TAFA1: variants seen among roughly 807,000 people sequenced by gnomAD.
The protein encoded by TAFA1 is TAFA chemokine like family member 1.
A neutral mutation model predicts 18.5 loss-of-function variants in TAFA1; 4 were observed. The observed-to-expected ratio is 0.22, with a 90% confidence interval of 0.11 to 0.49. TAFA1 has a LOEUF of 0.49. TAFA1 is among the 20% of genes least tolerant of loss of function. TAFA1 has a pLI of 0.98. For synonymous variants in TAFA1, 56 were observed against 55.2 expected (o/e 1.01, Z -0.06); for missense variants, 147 against 169.0 (o/e 0.87, Z 0.72).
intron 2 of TAFA1, among the ~76,000 whole-genome samples, chr3:68,276,336 G>A (rs1435850833): frequency 2.0e-5 from 3 of 152,216 alleles, no homozygotes; most frequent in Admixed American, 6.6e-5. Context: ...TAGTGGCATC[G>A]TTAGTCGCTA....
intron 2 of TAFA1, among the ~76,000 whole-genome samples, chr3:68,188,182 C>A (rs1423393245): frequency 6.6e-6 from 1 of 151,732 alleles, no homozygotes; most frequent in African/African-American, 2.4e-5. Flanking sequence ...AATTAAATTT[C>A]TAAGTGCTAT....
intron 2 of TAFA1, among the ~76,000 whole-genome samples, chr3:68,060,921 T>A (rs1235508967): frequency 3.9e-5 from 6 of 152,180 alleles, no homozygotes. Context: ...ACAAACCAGC[T>A]TGTCAGGATG....
intron 2 of TAFA1, among the ~76,000 whole-genome samples, chr3:68,387,108 C>A (rs905848028): frequency 9.9e-5 from 15 of 151,788 alleles, no homozygotes; most frequent in African/African-American, 3.4e-4. Flanking sequence ...GGATGGAGCC[C>A]TTAAGCACAA....
At chr3:68,074,071 T>A (rs1163103450) in intron 2 of TAFA1, among the ~76,000 whole-genome samples, 1 of 152,158 alleles carries the variant, frequency 6.6e-6, no homozygotes, top group East Asian at 1.9e-4. Context: ...GACAGTCCCA[T>A]CTGCGGGTGA....
At chr3:68,190,874 T>C (rs370220387) in intron 2 of TAFA1, among the ~76,000 whole-genome samples, 21 of 151,954 alleles carry the variant, frequency 1.4e-4, no homozygotes, top group Middle Eastern at 3.4e-3. Flanking sequence ...CCAATGAGAC[T>C]AGAGTATGAA....
chr3:68,450,746 A>AC, intron 3 of TAFA1, among the ~76,000 whole-genome samples: 1 of 152,350 alleles, frequency 6.6e-6, no homozygotes, highest in East Asian at 1.9e-4. Flanking sequence ...TAGAGTTATA[A>AC]GGACAACACA....
chr3:68,068,213 G>A (rs760183901), intron 2 of TAFA1, among the ~76,000 whole-genome samples: 2 of 152,108 alleles, frequency 1.3e-5, no homozygotes, highest in Non-Finnish European at 2.9e-5. Flanking sequence ...TTAAATAACT[G>A]GTTTCAATAA....
intron 2 of TAFA1, among the ~76,000 whole-genome samples, chr3:68,279,993 T>C (rs1044221076): frequency 3.3e-5 from 5 of 152,212 alleles, no homozygotes; most frequent in African/African-American, 1.2e-4. Context: ...ATTCTCATCC[T>C]ATACAAAATT....
chr3:67,996,923 A>T, the TAFA1 span, among the ~76,000 whole-genome samples: 5 of 152,186 alleles, frequency 3.3e-5, no homozygotes, highest in African/African-American at 1.2e-4. Flanking sequence ...GAGAAATATG[A>T]CACAGAACAA....
At chr3:68,297,427 C>G (rs983462171) in intron 2 of TAFA1, among the ~76,000 whole-genome samples, 3 of 152,148 alleles carry the variant, frequency 2.0e-5, no homozygotes, top group African/African-American at 7.2e-5. Context: ...AAATTTACAA[C>G]AAATTTGATG....
chr3:68,166,960 A>G (rs2065989391), intron 2 of TAFA1, among the ~76,000 whole-genome samples: 1 of 152,196 alleles, frequency 6.6e-6, no homozygotes, highest in African/African-American at 2.4e-5. Context: ...CCTCTGGCAG[A>G]TGCTTCAGCA....
At chr3:68,215,448 TG>T (rs2066645911) in intron 2 of TAFA1, among the ~76,000 whole-genome samples, 1 of 152,042 alleles carries the variant, frequency 6.6e-6, no homozygotes, top group Non-Finnish European at 1.5e-5. Context: ...TTGGATTTGG[TG>T]ACAAGTCTTT....
At chr3:68,183,546 G>C (rs1255609608) in intron 2 of TAFA1, among the ~76,000 whole-genome samples, 3 of 152,078 alleles carry the variant, frequency 2.0e-5, no homozygotes, top group Non-Finnish European at 2.9e-5. Context: ...GAAGACTGTT[G>C]GATCCTGTAT....
chr3:68,073,288 G>T (rs934804806), intron 2 of TAFA1, among the ~76,000 whole-genome samples: 1 of 152,198 alleles, frequency 6.6e-6, no homozygotes, highest in South Asian at 2.1e-4. Context: ...TTACATGTTA[G>T]AAAGAAGAAA....
At chr3:68,191,230 CT>C (rs1196834866) in intron 2 of TAFA1, among the ~76,000 whole-genome samples, 1 of 151,604 alleles carries the variant, frequency 6.6e-6, no homozygotes, top group Non-Finnish European at 1.5e-5. Flanking sequence ...CTTTGTGGTA[CT>C]TTTTCTTCTG....
chr3:68,538,031 G>A (rs2073304195), intron 3 of TAFA1, among the ~76,000 whole-genome samples: 1 of 152,120 alleles, frequency 6.6e-6, no homozygotes, highest in Non-Finnish European at 1.5e-5. Flanking sequence ...AATGTTGATT[G>A]GGGTTGAAAT....
At chr3:68,491,209 A>G (rs967404116) in intron 3 of TAFA1, among the ~76,000 whole-genome samples, 3 of 152,168 alleles carry the variant, frequency 2.0e-5, no homozygotes, top group Non-Finnish European at 2.9e-5. Context: ...AAAGGATTAT[A>G]AAACATGCTG....
At chr3:68,516,847 C>G (rs1397539782) in intron 3 of TAFA1, among the ~76,000 whole-genome samples, 2 of 152,074 alleles carry the variant, frequency 1.3e-5, no homozygotes, top group African/African-American at 2.4e-5. Flanking sequence ...CATCTCAGCT[C>G]TCTGCAACCT....
In TAFA1 at chr3:68,327,768, A is replaced by T. The variant is rs1484941050; in HGVS notation, c.119-89512A>T. 2.0e-5 allele frequency among the ~76,000 whole-genome samples: 3 copies of T among 152,052 alleles called. No individual in the cohort carries two copies. In the East Asian group the frequency reaches 5.8e-4, roughly 29 times the overall value. On this transcript the variant is annotated intron_variant, in intron 2 of 4. Transcript: ENST00000478136. ...CATGCATAAAAATCTCCAACATCTC[A>T]TGGATGCTGAGTTTTTATTAATGAA...
Sources: gnomAD v4.1 joint callset for allele counts (sites outside exome capture counted in the v4.1 genomes callset) on GRCh38, gnomAD v4.1.1 for gene constraint, MANE v1.5 for transcripts, NCBI Gene and HGNC (gene_info 2026-07-23, HGNC 2026-07-21) for gene names.